Variants in PDE4D observed in about 807,000 individuals in gnomAD.
PDE4D encodes the protein 3',5'-cyclic-AMP phosphodiesterase 4D.
PDE4D carries 24 observed loss-of-function variants against 87.4 expected under a neutral mutation model. The observed-to-expected ratio is 0.27, with a 90% CI of 0.20 to 0.39. The LOEUF (loss-of-function observed/expected upper bound fraction) is 0.39. Among genes scored for constraint, PDE4D ranks in the 10% least tolerant of loss-of-function variants. The pLI is 1.00. For synonymous variants in PDE4D, 384 were observed against 383.2 expected, an observed-to-expected ratio of 1.00 and a Z score of -0.02; for missense variants, 714 against 1,041.0, an observed-to-expected ratio of 0.69 and a Z score of 4.32.
At chr5:59,108,707 A>G (rs1772043033) in intron 5 of PDE4D, among the ~76,000 whole-genome samples, 1 of 152,256 alleles carries the variant, frequency 6.6e-6, no homozygotes, top group African/African-American at 2.4e-5. Context: ...CAGCCTGGCC[A>G]ACATGGCAAA....
At chr5:59,602,534 C>T (rs147400529) in intron 1 of PDE4D, among the ~76,000 whole-genome samples, 30 of 152,070 alleles carry the variant, frequency 2.0e-4, no homozygotes, top group Middle Eastern at 3.4e-3. Context: ...TTAAAGATGA[C>T]ACAAATGAAT....
At position 60,254,547 on chromosome 5, in the gene PDE4D, C is replaced by G. The variant is rs565743278; in HGVS notation, c.-89-68860G>C. On this transcript the variant is annotated intron_variant, in intron 1 of 16. Coordinates refer to the PDE4D transcript ENST00000502484. The stretch of plus-strand genomic sequence containing the variant: ...AGCAAAGCCAACAGCAATTAATAGA[C>G]AGGGTTTTTATGGTGTCCCTTCATA... Among the ~76,000 whole-genome samples, 251 of 151,988 alleles carry G rather than the reference C, an allele frequency of 1.7e-3. 4 individuals are homozygous for G. Among genetic ancestry groups the G allele is most frequent in the Admixed American group, 0.016 (238 of 15,208 alleles).
intron 1 of PDE4D, among the ~76,000 whole-genome samples, chr5:59,771,993 T>G (rs1446219788): frequency 6.6e-6 from 1 of 152,228 alleles, no homozygotes; most frequent in Non-Finnish European, 1.5e-5. Flanking sequence ...ACTGTTAACC[T>G]CCTAAATCTG....
intron 1 of PDE4D, among the ~76,000 whole-genome samples, chr5:60,233,763 C>T (rs984531638): frequency 1.3e-5 from 2 of 151,630 alleles, no homozygotes; most frequent in African/African-American, 4.8e-5. Context: ...TTAAAGATGA[C>T]ACCATGATAA....
intron 1 of PDE4D, among the ~76,000 whole-genome samples, chr5:59,305,431 T>C (rs62358007): frequency 0.027 from 4,098 of 152,142 alleles, 77 homozygotes; most frequent in Middle Eastern, 0.095. Flanking sequence ...GATTATTTCC[T>C]TTCTTCTGCT....
chr5:60,162,886 T>C (rs1270032017), intron 2 of PDE4D, among the ~76,000 whole-genome samples: 1 of 152,140 alleles, frequency 6.6e-6, no homozygotes, highest in Non-Finnish European at 1.5e-5. Context: ...TAGAACTCCT[T>C]AAATTAATGA....
At chr5:59,026,888 TTA>T (rs1756355064) in intron 6 of PDE4D, among the ~76,000 whole-genome samples, 1 of 152,252 alleles carries the variant, frequency 6.6e-6, no homozygotes, top group Non-Finnish European at 1.5e-5. Context: ...TTTCCCATTT[TTA>T]ATGTCTGACT....
chr5:59,530,607 AT>A (rs1428673809), intron 1 of PDE4D, among the ~76,000 whole-genome samples: 1 of 135,748 alleles, frequency 7.4e-6, no homozygotes, highest in Non-Finnish European at 1.8e-5. Context: ...CAACCATATT[AT>A]TAAAAAAAAA....
At chr5:60,322,118 A>G (rs1006435245) in intron 1 of PDE4D, among the ~76,000 whole-genome samples, 6 of 152,168 alleles carry the variant, frequency 3.9e-5, no homozygotes, top group Admixed American at 1.3e-4. Context: ...TGTTCATCAC[A>G]GCACTATTCA....
chr5:59,308,715 G>A (rs1771932349), intron 1 of PDE4D, among the ~76,000 whole-genome samples: 1 of 151,986 alleles, frequency 6.6e-6, no homozygotes, highest in Admixed American at 6.6e-5. Flanking sequence ...GTGGTTTAAT[G>A]CTCTATTTTT....
chr5:60,353,919 C>G (rs1759400582), intron 1 of PDE4D, among the ~76,000 whole-genome samples: 1 of 152,170 alleles, frequency 6.6e-6, no homozygotes, highest in African/African-American at 2.4e-5. Context: ...GTTTTTTATA[C>G]CACCATTCAC....
At chr5:59,014,010 G>C (rs1222508163) in intron 6 of PDE4D, among the ~76,000 whole-genome samples, 1 of 152,122 alleles carries the variant, frequency 6.6e-6, no homozygotes, top group Non-Finnish European at 1.5e-5. Context: ...ATCAATAAAC[G>C]TAATCCATCA....
intron 1 of PDE4D, among the ~76,000 whole-genome samples, chr5:59,324,512 A>G (rs982750994): frequency 2.6e-5 from 4 of 152,172 alleles, no homozygotes; most frequent in Non-Finnish European, 4.4e-5. Flanking sequence ...GGGAAGTGGG[A>G]CAAGGGGAGA....
chr5:60,416,799 G>A (rs189096553), intron 1 of PDE4D, among the ~76,000 whole-genome samples: 1 of 152,306 alleles, frequency 6.6e-6, no homozygotes. Context: ...TAATGAACTA[G>A]GTAAAAACAG....
intron 1 of PDE4D, among the ~76,000 whole-genome samples, chr5:60,457,385 C>T (rs1746556551): frequency 6.6e-6 from 1 of 152,230 alleles, no homozygotes; most frequent in South Asian, 2.1e-4. Flanking sequence ...GTAAAAGAAA[C>T]AGCTTGGAAG....
At chr5:59,185,138 A>T (rs1742594093) in intron 4 of PDE4D, 51 bp downstream of exon 4, 1 of 1,429,626 alleles carries the variant, frequency 7.0e-7, no homozygotes, top group Non-Finnish European at 9.8e-7. Flanking sequence ...AAGTTGAGAA[A>T]ACTTATTTAA....
chr5:59,623,886 T>C (rs986831087), intron 1 of PDE4D, among the ~76,000 whole-genome samples: 2 of 152,228 alleles, frequency 1.3e-5, no homozygotes, highest in African/African-American at 4.8e-5. Flanking sequence ...AAAATAATAA[T>C]GGCAATGATA....
chr5:59,266,965 T>C (rs1261807839), intron 1 of PDE4D, among the ~76,000 whole-genome samples: 1 of 151,922 alleles, frequency 6.6e-6, no homozygotes, highest in Non-Finnish European at 1.5e-5. Context: ...ATACAGTTTA[T>C]TCATACAGTT....
intron 1 of PDE4D, among the ~76,000 whole-genome samples, chr5:60,413,849 C>T (rs1193163627): frequency 6.6e-6 from 1 of 152,062 alleles, no homozygotes; most frequent in Non-Finnish European, 1.5e-5. Flanking sequence ...TATTTCCATC[C>T]AACCAGTTAT....
Sources: allele counts gnomAD v4.1 joint callset (sites outside exome capture counted in the v4.1 genomes callset), GRCh38; gene constraint gnomAD v4.1.1; transcripts MANE v1.5; gene names NCBI Gene and HGNC (gene_info 2026-07-23, HGNC 2026-07-21).